Variants in DIAPH1 observed in about 807,000 individuals in gnomAD.
The protein encoded by DIAPH1 is diaphanous related formin 1, also known as protein diaphanous homolog 1.
Under a neutral mutation model 140.7 loss-of-function variants are expected in DIAPH1, and 46 were observed. That is an observed-to-expected ratio of 0.33 (90% CI 0.26 to 0.42). DIAPH1 has a LOEUF of 0.42. DIAPH1 is among the 10% of genes least tolerant of loss of function. The pLI is 1.00. For synonymous variants in DIAPH1, 565 were observed against 551.6 expected, an observed-to-expected ratio of 1.02 and a Z score of -0.34; for missense variants, 1,310 against 1,558.7, an observed-to-expected ratio of 0.84 and a Z score of 2.69.
chr5:141,596,282 G>A (rs1432768790), intron 1 of DIAPH1, among the ~76,000 whole-genome samples: 4 of 151,906 alleles, frequency 2.6e-5, no homozygotes, highest in African/African-American at 9.7e-5. Context: ...GCAGTGAGCC[G>A]AGATCGCACC....
chr5:141,582,269 G>A (rs1418624229), intron 7 of DIAPH1, 43 bp downstream of exon 7: 9 of 1,453,422 alleles, frequency 6.2e-6, no homozygotes, highest in Non-Finnish European at 7.7e-6. Flanking sequence ...AGAAAGAACA[G>A]GCGTCCAGAT....
At chr5:141,597,327 A>C (rs969971790) in intron 1 of DIAPH1, among the ~76,000 whole-genome samples, 1 of 152,232 alleles carries the variant, frequency 6.6e-6, no homozygotes, top group Non-Finnish European at 1.5e-5. Context: ...TCTTAACAAT[A>C]ATATCAACAG....
At chr5:141,542,230 G>A (rs547806637) in intron 18 of DIAPH1, among the ~76,000 whole-genome samples, 4 of 152,184 alleles carry the variant, frequency 2.6e-5, no homozygotes, top group African/African-American at 7.2e-5. Flanking sequence ...TCAGGAGTTC[G>A]AGACCAGCCT....
chr5:141,618,721 G>T, intron 1 of DIAPH1, 77 bp downstream of exon 1: 1 of 1,076,440 alleles, frequency 9.3e-7, no homozygotes, highest in African/African-American at 1.6e-5. Flanking sequence ...AGCCGGGCAG[G>T]CGCCCCAGGG....
At chr5:141,524,365 G>C (rs547277069) in intron 26 of DIAPH1, 136 bp from the exon 27 acceptor site, 44 of 805,272 alleles carry the variant, frequency 5.5e-5, no homozygotes, top group Non-Finnish European at 8.9e-5. Flanking sequence ...AAGAGGCAAA[G>C]AGAGCTCAGC....
At position 141,576,086 on chromosome 5, in the gene DIAPH1, G is replaced by A. The variant is rs183862454; in HGVS notation, c.1461+144C>T. ...CTTTCTCCAATGACTACCCTATACT[G>A]GAAAGGTTTCCCCTGGGAACTACAC... On this transcript the variant is annotated intron_variant, in intron 14 of 27. Transcript: ENST00000389054. The A allele has an allele frequency of 4.4e-5, 31 of 700,460 alleles. 1 individual carries two copies. In the African/African-American group the frequency reaches 4.5e-4, roughly 10 times the overall value. 43.4% of individuals were successfully genotyped at this position (700,460 alleles called of 1,614,324 possible). A position where few individuals can be genotyped will look rare whatever the true frequency, so the allele number is the denominator to read the frequency against.
chr5:141,519,013 G>GC (rs2099886122), intron 27 of DIAPH1: 1 of 1,550,038 alleles, frequency 6.5e-7, no homozygotes, highest in Admixed American at 2.0e-5. Flanking sequence ...AGAGGAGAAA[G>GC]AATAGTGAAG....
At chr5:141,566,836 A>G (rs1390713646) in intron 18 of DIAPH1, among the ~76,000 whole-genome samples, 1 of 152,204 alleles carries the variant, frequency 6.6e-6, no homozygotes, top group Non-Finnish European at 1.5e-5. Context: ...CAGAGGCTAC[A>G]GTGAACTGAG....
chr5:141,518,143 G>A (rs897015177), intron 27 of DIAPH1, among the ~76,000 whole-genome samples: 2 of 152,200 alleles, frequency 1.3e-5, no homozygotes, highest in African/African-American at 4.8e-5. Flanking sequence ...AAGGGGAGGG[G>A]AGAATCAGTA....
At chr5:141,545,895 G>A (rs955654217) in intron 18 of DIAPH1, among the ~76,000 whole-genome samples, 1 of 151,976 alleles carries the variant, frequency 6.6e-6, no homozygotes. Context: ...GCTGACTCCT[G>A]GTCTAACCAA....
intron 18 of DIAPH1, among the ~76,000 whole-genome samples, chr5:141,546,110 C>T (rs1286620430): frequency 6.6e-6 from 1 of 152,200 alleles, no homozygotes. Context: ...GGGCCGGGCA[C>T]AGTGGCTCAT....
chr5:141,577,650 G>T (rs2099896157), intron 11 of DIAPH1, 59 bp from the exon 12 acceptor site: 1 of 1,130,982 alleles, frequency 8.8e-7, no homozygotes, highest in Non-Finnish European at 1.3e-6. Context: ...TTGACAGGTG[G>T]CTTATTTAAC....
chr5:141,562,394 T>C (rs951886752), intron 18 of DIAPH1, among the ~76,000 whole-genome samples: 13 of 152,032 alleles, frequency 8.6e-5, no homozygotes, highest in South Asian at 2.1e-4. Context: ...ACAGTACAGA[T>C]AGTATGTTCC....
rs1455848656 is a variant in DIAPH1, at chr5:141,526,060, C to T, written c.3552G>A (p.Glu1184=). 10 of 1,613,948 alleles carry T rather than the reference C, an allele frequency of 6.2e-6. No individual in the cohort carries two copies. Among genetic ancestry groups the T allele is most frequent in the Non-Finnish European group, 5.9e-6 (7 of 1,180,034 alleles). ...CACCTGCATTCATGTCTATGAGTTGCTCTCTCTTCTGCTGCTTCTCTAGCC... is the reference window on the plus strand; with the variant it reads ...CACCTGCATTCATGTCTATGAGTTGTTCTCTCTTCTGCTGCTTCTCTAGCC... ...KERLEKQQKR[E]QLIDMNAEGD... is the part of the protein sequence containing the mutation. Residue 1184 remains glutamate, a synonymous_variant, in exon 26 of 28, where the codon GAG becomes GAA. Transcript: ENST00000389054.
intron 1 of DIAPH1, among the ~76,000 whole-genome samples, chr5:141,611,260 A>G (rs2099901799): frequency 6.6e-6 from 1 of 152,210 alleles, no homozygotes; most frequent in Non-Finnish European, 1.5e-5. Flanking sequence ...AACAACAACA[A>G]AAAACAAAAC....
At chr5:141,604,345 A>G (rs2099900608) in intron 1 of DIAPH1, among the ~76,000 whole-genome samples, 3 of 152,204 alleles carry the variant, frequency 2.0e-5, no homozygotes, top group Admixed American at 1.3e-4. Context: ...TCAAGCTTCA[A>G]ATATTGATAC....
In DIAPH1 at chr5:141,534,587, C is replaced by T. The variant is rs1254369055; in HGVS notation, c.2483-154G>A. 1.7e-5 allele frequency: 11 copies of T among 655,662 alleles called. No homozygotes were observed. In the East Asian group the frequency reaches 3.0e-4, roughly 18 times the overall value. The allele number at this position is 655,662 out of a possible 1,614,324, so 40.6% of individuals were successfully genotyped here. On this transcript the variant is annotated intron_variant, in intron 18 of 27. Transcript: ENST00000389054. ...AAAACTAACCTCCTCTTCAACCAAC[C>T]ACCCTTTTATTACTGAACCTCCCCC...
At chr5:141,531,162 A>G (rs1372322617) in intron 19 of DIAPH1, among the ~76,000 whole-genome samples, 1 of 151,778 alleles carries the variant, frequency 6.6e-6, no homozygotes, top group Admixed American at 6.6e-5. Flanking sequence ...TCTCACATCC[A>G]CCTCCCCGAA....
At chr5:141,607,897 A>G (rs895006468) in intron 1 of DIAPH1, among the ~76,000 whole-genome samples, 1 of 152,220 alleles carries the variant, frequency 6.6e-6, no homozygotes, top group Non-Finnish European at 1.5e-5. Flanking sequence ...GGTCATTTAC[A>G]GTATCTGGGG....
Sources: allele counts gnomAD v4.1 joint callset (sites outside exome capture counted in the v4.1 genomes callset), GRCh38; gene constraint gnomAD v4.1.1; transcripts MANE v1.5; gene names NCBI Gene and HGNC (gene_info 2026-07-23, HGNC 2026-07-21).